The following FRMD4A variants were observed in gnomAD, a reference collection of about 807,000 sequenced individuals.
FRMD4A encodes FERM domain containing 4A.
In FRMD4A, 29 loss-of-function variants were observed where a neutral mutation model predicts 129.1. That is an observed-to-expected ratio of 0.22 (90% CI 0.17 to 0.31). The LOEUF (loss-of-function observed/expected upper bound fraction) is 0.31. Among genes scored for constraint, FRMD4A ranks in the 10% least tolerant of loss-of-function variants. The pLI, the probability that FRMD4A is intolerant of heterozygous loss-of-function variation, is 1.00. For synonymous variants in FRMD4A, 634 were observed against 571.6 expected (o/e 1.11, Z -1.56); for missense variants, 1,272 against 1,375.8 (o/e 0.92, Z 1.19).
intron 2 of FRMD4A, among the ~76,000 whole-genome samples, chr10:13,943,760 T>C (rs2095311745): frequency 1.4e-5 from 2 of 145,600 alleles, no homozygotes; most frequent in Non-Finnish European, 3.0e-5. Context: ...TTAAAGCAAA[T>C]GATTTTCCTT....
At chr10:14,125,632 G>A (rs1023842121) in intron 2 of FRMD4A, among the ~76,000 whole-genome samples, 1 of 152,142 alleles carries the variant, frequency 6.6e-6, no homozygotes. Context: ...CTGGAGCCCA[G>A]CTAAATCCTG....
intron 2 of FRMD4A, among the ~76,000 whole-genome samples, chr10:14,050,662 G>A (rs998794815): frequency 4.6e-5 from 7 of 151,998 alleles, no homozygotes; most frequent in African/African-American, 1.2e-4. Flanking sequence ...GGGGGCCTAC[G>A]GATTGAATCC....
Position 13,666,249 on chromosome 10 carries a change from C to T in FRMD4A, c.1451G>A (p.Ser484Asn). Residue 484 changes from serine to asparagine, a missense_variant, in exon 18 of 25, where the codon AGT becomes AAT. Transcript: ENST00000357447. ...QITEAARRLA[S>N]DPNVSKKLKK... ...CAGTTTTTTGCTGACGTTGGGGTCA[C>T]TGGCTAGGCGGCGGGCGGCCTCCGT... 1.9e-6 allele frequency: 3 copies of T among 1,614,192 alleles called. No individual in the cohort carries two copies. Among genetic ancestry groups the T allele is most frequent in the East Asian group, 2.2e-5 (1 of 44,886 alleles).
At chr10:13,660,071 T>G (rs567027099) in intron 20 of FRMD4A, among the ~76,000 whole-genome samples, 13 of 152,352 alleles carry the variant, frequency 8.5e-5, no homozygotes, top group African/African-American at 3.1e-4. Flanking sequence ...TTTAACAGCA[T>G]TCAAACCATC....
At chr10:13,881,693 G>A (rs535033550) in intron 2 of FRMD4A, among the ~76,000 whole-genome samples, 6 of 152,078 alleles carry the variant, frequency 3.9e-5, no homozygotes, top group African/African-American at 1.2e-4. Flanking sequence ...TGCTGTCAAC[G>A]ACAAAGAAGA....
chr10:14,236,515 G>T (rs1056270326), intron 2 of FRMD4A, among the ~76,000 whole-genome samples: 2 of 152,210 alleles, frequency 1.3e-5, no homozygotes, highest in African/African-American at 4.8e-5. Flanking sequence ...TGCTGCTGCT[G>T]CTGGAGCCTG....
At chr10:14,137,368 G>A (rs1481001708) in intron 2 of FRMD4A, among the ~76,000 whole-genome samples, 1 of 152,204 alleles carries the variant, frequency 6.6e-6, no homozygotes, top group Non-Finnish European at 1.5e-5. Context: ...CAATGTGTGT[G>A]TTTTGAAGCT....
chr10:13,683,034 A>AGCAGG (rs1415725691), intron 15 of FRMD4A, among the ~76,000 whole-genome samples: 20 of 152,136 alleles, frequency 1.3e-4, no homozygotes, highest in Admixed American at 3.9e-4. Context: ...AAGAGAAGGA[A>AGCAGG]GCAGGGCAGG....
chr10:14,330,036 C>T (rs1843455209), intron 2 of FRMD4A, 22 bp downstream of exon 2: 8 of 1,551,678 alleles, frequency 5.2e-6, no homozygotes, highest in Non-Finnish European at 3.5e-6. Flanking sequence ...GCCCGGGCCC[C>T]ACCTCCTGTC....
At chr10:13,969,638 G>C (rs1456820712) in intron 2 of FRMD4A, among the ~76,000 whole-genome samples, 1 of 152,132 alleles carries the variant, frequency 6.6e-6, no homozygotes, top group African/African-American at 2.4e-5. Flanking sequence ...ATCACTTGAG[G>C]ACAGGAGTTC....
chr10:14,206,820 A>AAAAAAAAAAGG (rs1429238276), intron 2 of FRMD4A, among the ~76,000 whole-genome samples: 2 of 127,384 alleles, frequency 1.6e-5, no homozygotes, highest in Non-Finnish European at 3.4e-5. Flanking sequence ...AAAAAAAAAA[A>AAAAAAAAAAGG]AGAGAGACAG....
At chr10:14,235,180 T>C (rs61836094) in intron 2 of FRMD4A, among the ~76,000 whole-genome samples, 12,874 of 150,598 alleles carry the variant, frequency 0.085, 631 homozygotes, top group Middle Eastern at 0.11. Flanking sequence ...CACGGAGTCT[T>C]GCTCTGTCGC....
intron 2 of FRMD4A, among the ~76,000 whole-genome samples, chr10:14,068,120 G>A (rs1289305629): frequency 4.6e-5 from 7 of 152,214 alleles, no homozygotes; most frequent in Non-Finnish European, 7.3e-5. Flanking sequence ...ATTTCGGAGA[G>A]CAGTAACATC....
At chr10:14,030,566 A>G (rs1021887585) in intron 2 of FRMD4A, among the ~76,000 whole-genome samples, 2 of 152,250 alleles carry the variant, frequency 1.3e-5, no homozygotes, top group African/African-American at 4.8e-5. Flanking sequence ...TTGTTTGTTT[A>G]AGTAAAACAA....
chr10:13,765,075 C>A (rs1312114120), intron 6 of FRMD4A, among the ~76,000 whole-genome samples: 1 of 150,152 alleles, frequency 6.7e-6, no homozygotes, highest in Admixed American at 6.6e-5. Flanking sequence ...ACTTGCATTA[C>A]AAGCCAGACT....
intron 2 of FRMD4A, among the ~76,000 whole-genome samples, chr10:13,996,451 T>C (rs946622880): frequency 3.3e-5 from 5 of 152,210 alleles, no homozygotes; most frequent in African/African-American, 1.2e-4. Context: ...AATTTCACTT[T>C]GGTAACAAAA....
chr10:13,663,123 G>C lies in FRMD4A; in HGVS notation c.1660+330C>G, dbSNP rs367678416. 1.1e-4 allele frequency among the ~76,000 whole-genome samples: 16 copies of C among 151,580 alleles called. No individual in the cohort carries two copies. The South Asian group carries it at 3.3e-3, about 32-fold the overall frequency. On this transcript the variant is annotated intron_variant, in intron 19 of 24. Coordinates refer to ENST00000357447, the MANE Select transcript of FRMD4A (RefSeq NM_018027.5). ...AAGAATCACTTGAGCCTAGGAGGCA[G>C]AGGTTGTAGTGAGCCGAGATCATAC...
chr10:13,911,453 G>A (rs1278524840), intron 2 of FRMD4A, among the ~76,000 whole-genome samples: 1 of 152,136 alleles, frequency 6.6e-6, no homozygotes, highest in Non-Finnish European at 1.5e-5. Flanking sequence ...AGATTGACTA[G>A]CAAATCAGAG....
At chr10:14,037,320 C>T (rs759227436) in intron 2 of FRMD4A, among the ~76,000 whole-genome samples, 4 of 152,156 alleles carry the variant, frequency 2.6e-5, no homozygotes, top group Non-Finnish European at 4.4e-5. Context: ...AGGGCTCAAG[C>T]GATTCTCCTG....
Sources: allele counts gnomAD v4.1 joint callset (sites outside exome capture counted in the v4.1 genomes callset), GRCh38; gene constraint gnomAD v4.1.1; transcripts MANE v1.5; gene names NCBI Gene and HGNC (gene_info 2026-07-23, HGNC 2026-07-21).